ITCH: variants seen among roughly 807,000 people sequenced by gnomAD.
ITCH encodes the protein itchy E3 ubiquitin protein ligase.
Under a neutral mutation model 126.8 loss-of-function variants are expected in ITCH, and 28 were observed. The ratio of observed to expected loss-of-function variants is 0.22; its 90% confidence interval spans 0.16 to 0.30. ITCH has a LOEUF of 0.30. ITCH is among the 10% of genes least tolerant of loss of function. The pLI, the probability that ITCH is intolerant of heterozygous loss-of-function variation, is 1.00. For synonymous variants in ITCH, 342 were observed against 340.0 expected, an observed-to-expected ratio of 1.01 and a Z score of -0.06; for missense variants, 631 against 1,032.4, an observed-to-expected ratio of 0.61 and a Z score of 5.33.
chr20:34,374,083 C>T (rs2037744943), intron 2 of ITCH, among the ~76,000 whole-genome samples: 1 of 152,000 alleles, frequency 6.6e-6, no homozygotes, highest in Non-Finnish European at 1.5e-5. Context: ...CGAGGTTTCA[C>T]CATGTTGGCC....
chr20:34,387,861 T>A (rs1339297292), intron 2 of ITCH, among the ~76,000 whole-genome samples: 1 of 151,956 alleles, frequency 6.6e-6, no homozygotes, highest in Non-Finnish European at 1.5e-5. Flanking sequence ...CCTGCCATCA[T>A]GCCTGGCTGA....
chr20:34,489,560 C>T (rs905750213), intron 21 of ITCH, among the ~76,000 whole-genome samples, 174 bp downstream of exon 21: 4 of 152,114 alleles, frequency 2.6e-5, no homozygotes, highest in Non-Finnish European at 4.4e-5. Flanking sequence ...AAAGATAAAA[C>T]AATAGTATTA....
intron 9 of ITCH, among the ~76,000 whole-genome samples, chr20:34,440,993 G>A (rs1046011516): frequency 4.6e-5 from 7 of 152,024 alleles, no homozygotes; most frequent in Non-Finnish European, 8.8e-5. Context: ...ATTATAGGCT[G>A]GGCATGGTGG....
At chr20:34,410,686 A>ATATATTTTTTCCTT (rs1446493516) in intron 4 of ITCH, among the ~76,000 whole-genome samples, 1 of 152,162 alleles carries the variant, frequency 6.6e-6, no homozygotes. Flanking sequence ...CCCATCTCAT[A>ATATATTTTTTCCTT]TATATTTTTT....
chr20:34,364,176 TTAGTTGGACATGTAACC>T (rs1412756351), intron 1 of ITCH, among the ~76,000 whole-genome samples: 1 of 152,140 alleles, frequency 6.6e-6, no homozygotes, highest in Non-Finnish European at 1.5e-5. Context: ...GGGCCTAAAG[TTAGTTGGACATGTAACC>T]AGGTGAACTT....
chr20:34,424,428 A>G (rs190665348), intron 6 of ITCH, 52 bp from the exon 7 acceptor site: 25 of 1,433,208 alleles, frequency 1.7e-5, no homozygotes, highest in African/African-American at 1.3e-4. Context: ...AAGAAAAAAC[A>G]TGAAAACTAC....
chr20:34,466,044 A>G (rs1987023965), intron 14 of ITCH, among the ~76,000 whole-genome samples: 1 of 152,112 alleles, frequency 6.6e-6, no homozygotes, highest in Non-Finnish European at 1.5e-5. Context: ...TTAGATTTTT[A>G]TATGTGCCTT....
intron 6 of ITCH, among the ~76,000 whole-genome samples, chr20:34,421,811 C>T (rs1007125195): frequency 1.3e-5 from 2 of 152,100 alleles, no homozygotes; most frequent in Admixed American, 6.5e-5. Flanking sequence ...AGTTTGAGAC[C>T]AGCATGGACA....
At chr20:34,420,551 G>T (rs1980621720) in intron 6 of ITCH, among the ~76,000 whole-genome samples, 2 of 152,176 alleles carry the variant, frequency 1.3e-5, no homozygotes, top group African/African-American at 4.8e-5. Context: ...AAGCATTTGT[G>T]TACAAGGTTC....
intron 7 of ITCH, among the ~76,000 whole-genome samples, chr20:34,435,721 G>T (rs1227397506): frequency 6.6e-6 from 1 of 152,182 alleles, no homozygotes; most frequent in Non-Finnish European, 1.5e-5. Flanking sequence ...TAGATGAGGG[G>T]TTAGTTGTGG....
intron 3 of ITCH, among the ~76,000 whole-genome samples, chr20:34,404,571 C>T (rs569532033): frequency 3.3e-5 from 5 of 152,132 alleles, no homozygotes; most frequent in African/African-American, 1.2e-4. Context: ...AGGCGCCTGC[C>T]ACCATGTCTG....
At position 34,416,136 on chromosome 20, in the gene ITCH, C is replaced by T. The variant is rs539192199; in HGVS notation, c.475+2257C>T. The stretch of plus-strand genomic sequence containing the variant: ...GACTCTGGCCAGGCGTGGTGGCTCA[C>T]GCCTGTAATCCCAGCACTCTGGGAG... On this transcript the variant is annotated intron_variant, in intron 6 of 24. Coordinates refer to ENST00000374864, the MANE Select transcript of ITCH (RefSeq NM_031483.7). Among the ~76,000 whole-genome samples, 23 of 152,052 alleles carry T rather than the reference C, an allele frequency of 1.5e-4. No individual in the cohort carries two copies. In the East Asian group the frequency reaches 3.3e-3, roughly 22 times the overall value.
chr20:34,413,625 T>C (rs1979375698), intron 5 of ITCH, 117 bp from the exon 6 acceptor site: 1 of 902,504 alleles, frequency 1.1e-6, no homozygotes. Flanking sequence ...ACAGTTTATA[T>C]GCACATATAG....
At chr20:34,457,983 T>G (rs1169999046) in intron 13 of ITCH, among the ~76,000 whole-genome samples, 1 of 152,072 alleles carries the variant, frequency 6.6e-6, no homozygotes, top group Non-Finnish European at 1.5e-5. Context: ...CAAAAAAAAT[T>G]ATCTGGCACA....
intron 2 of ITCH, among the ~76,000 whole-genome samples, chr20:34,380,880 C>T (rs550026329): frequency 1.4e-4 from 22 of 151,934 alleles, no homozygotes; most frequent in Non-Finnish European, 2.9e-4. Context: ...CTCCACCTCC[C>T]GGGTTCAGGA....
At chr20:34,476,785 A>G (rs1988271344) in intron 16 of ITCH, 1 of 167,958 alleles carries the variant, frequency 6.0e-6, no homozygotes, top group African/African-American at 2.4e-5. Context: ...TATAGGCATT[A>G]TATCAACTTC....
At chr20:34,369,642 A>G (rs1229804218) in intron 2 of ITCH, 172 bp downstream of exon 2, 4 of 390,122 alleles carry the variant, frequency 1.0e-5, no homozygotes, top group Non-Finnish European at 1.4e-5. Flanking sequence ...TGCAGGGATT[A>G]GCCTGTGAGC....
At chr20:34,505,756 A>G (rs1483791999) in intron 24 of ITCH, among the ~76,000 whole-genome samples, 4 of 151,808 alleles carry the variant, frequency 2.6e-5, no homozygotes, top group Non-Finnish European at 4.4e-5. Context: ...GGGTTTCACC[A>G]TGTTCGCCAG....
intron 4 of ITCH, among the ~76,000 whole-genome samples, chr20:34,410,106 T>C (rs1483162265): frequency 6.6e-6 from 1 of 151,320 alleles, no homozygotes; most frequent in African/African-American, 2.4e-5. Context: ...GGTGGCTCAC[T>C]CCTGTAATCC....
Sources: allele counts gnomAD v4.1 joint callset (sites outside exome capture counted in the v4.1 genomes callset), GRCh38; gene constraint gnomAD v4.1.1; transcripts MANE v1.5; gene names NCBI Gene and HGNC (gene_info 2026-07-23, HGNC 2026-07-21).